The following EXOC6B variants were observed in gnomAD, a reference collection of about 807,000 sequenced individuals.
The protein encoded by EXOC6B is exocyst complex component 6B.
In EXOC6B, 54 loss-of-function variants were observed where a neutral mutation model predicts 113.5. That is an observed-to-expected ratio of 0.48 (90% CI 0.38 to 0.60). EXOC6B has a LOEUF of 0.60. EXOC6B is among the 20% of genes least tolerant of loss of function. EXOC6B has a pLI of 0.00. For missense variants in EXOC6B, 797 were observed against 977.5 expected (o/e 0.82, Z 2.46); for synonymous variants, 357 against 339.0 (o/e 1.05, Z -0.58).
chr2:72,423,870 TG>T (rs1695052727), intron 18 of EXOC6B, among the ~76,000 whole-genome samples: 1 of 152,242 alleles, frequency 6.6e-6, no homozygotes, highest in South Asian at 2.1e-4. Flanking sequence ...GTATTCAAAA[TG>T]TAATATTTTT....
chr2:72,418,032 T>G (rs982565979), intron 18 of EXOC6B, among the ~76,000 whole-genome samples: 3 of 152,188 alleles, frequency 2.0e-5, no homozygotes, highest in Non-Finnish European at 4.4e-5. Flanking sequence ...ATTACTATCA[T>G]CTTATTTCAT....
chr2:72,812,801 T>C (rs149179095), intron 1 of EXOC6B, among the ~76,000 whole-genome samples: 1 of 152,162 alleles, frequency 6.6e-6, no homozygotes, highest in East Asian at 1.9e-4. Flanking sequence ...AGATTAAAGA[T>C]AAAGAAGAAT....
At chr2:72,266,858 T>TA (rs1684132148) in intron 20 of EXOC6B, among the ~76,000 whole-genome samples, 1 of 152,222 alleles carries the variant, frequency 6.6e-6, no homozygotes, top group Non-Finnish European at 1.5e-5. Flanking sequence ...GTATGGCCAT[T>TA]TTCACGATAT....
intron 18 of EXOC6B, among the ~76,000 whole-genome samples, chr2:72,406,250 A>C (rs1693752376): frequency 6.6e-6 from 1 of 151,988 alleles, no homozygotes; most frequent in Admixed American, 6.5e-5. Context: ...ACACAATAAT[A>C]ATGGGAGACT....
intron 1 of EXOC6B, among the ~76,000 whole-genome samples, chr2:72,766,362 T>C (rs1046518971): frequency 3.9e-5 from 6 of 152,186 alleles, no homozygotes; most frequent in African/African-American, 1.4e-4. Flanking sequence ...TTTTAATGTC[T>C]ATTCAGTCCA....
intron 6 of EXOC6B, among the ~76,000 whole-genome samples, chr2:72,665,359 G>GT (rs1285453036): frequency 6.6e-6 from 1 of 152,116 alleles, no homozygotes; most frequent in Admixed American, 6.5e-5. Flanking sequence ...GAACCCCTGA[G>GT]TAATGCTATA....
intron 6 of EXOC6B, among the ~76,000 whole-genome samples, chr2:72,644,837 C>A (rs1673569288): frequency 6.6e-6 from 1 of 152,100 alleles, no homozygotes; most frequent in Admixed American, 6.5e-5. Context: ...CAAAAACATG[C>A]CAAATTGTAA....
chr2:72,800,917 A>G (rs184770983), intron 1 of EXOC6B, among the ~76,000 whole-genome samples: 12 of 152,216 alleles, frequency 7.9e-5, no homozygotes, highest in Non-Finnish European at 1.3e-4. Context: ...TAAAGGAACA[A>G]ATATTATGAT....
intron 19 of EXOC6B, among the ~76,000 whole-genome samples, chr2:72,336,476 T>G (rs1304501964): frequency 6.6e-6 from 1 of 151,840 alleles, no homozygotes. Context: ...TTATACAAAA[T>G]GAAATTTAAA....
intron 19 of EXOC6B, among the ~76,000 whole-genome samples, chr2:72,360,574 G>C (rs1384071511): frequency 6.6e-6 from 1 of 152,036 alleles, no homozygotes; most frequent in African/African-American, 2.4e-5. Flanking sequence ...AGGAATATGA[G>C]CCATGTGATC....
At chr2:72,245,357 G>T (rs1000564296) in intron 20 of EXOC6B, among the ~76,000 whole-genome samples, 2 of 152,258 alleles carry the variant, frequency 1.3e-5, no homozygotes, top group African/African-American at 4.8e-5. Context: ...ACTGTATATA[G>T]ACAAACAAGG....
Position 72,718,235 on chromosome 2 carries a change from G to A in EXOC6B, c.537C>T (p.Phe179=), listed in dbSNP as rs1345075767. The A allele has an allele frequency of 3.1e-6, 5 of 1,613,756 alleles. No homozygotes were observed. In the Admixed American group the frequency reaches 8.3e-5, roughly 27 times the overall value. The change falls in exon 6 of 22, where the codon TTC becomes TTT. Residue 179 remains phenylalanine, a synonymous_variant. Transcript: ENST00000272427. ...TYLPQVSHYR[F]CKVMVDNIPK... is the part of the protein sequence containing the mutation. ...GGATGTTGTCCACCATCACCTTGCA[G>A]AATCGATAGTGGCTTACTTGAGGCA...
chr2:72,312,323 A>C (rs1168680541), intron 20 of EXOC6B, among the ~76,000 whole-genome samples: 1 of 151,392 alleles, frequency 6.6e-6, no homozygotes, highest in Non-Finnish European at 1.5e-5. Flanking sequence ...TTTTTCCCCA[A>C]CTGAGTCAAT....
chr2:72,597,428 T>C (rs974160427), intron 6 of EXOC6B, among the ~76,000 whole-genome samples: 5 of 151,734 alleles, frequency 3.3e-5, no homozygotes, highest in Non-Finnish European at 7.4e-5. Context: ...CTGGTAAAAA[T>C]TTTTAAAGAA....
chr2:72,621,087 G>A (rs990401253), intron 6 of EXOC6B, among the ~76,000 whole-genome samples: 6 of 152,096 alleles, frequency 3.9e-5, no homozygotes, highest in African/African-American at 4.8e-5. Context: ...TGTGAAAAGC[G>A]GTTTGGGGTT....
intron 18 of EXOC6B, among the ~76,000 whole-genome samples, chr2:72,417,839 T>A (rs1412517469): frequency 6.6e-6 from 1 of 152,174 alleles, no homozygotes; most frequent in Non-Finnish European, 1.5e-5. Context: ...TTCCTTTTCC[T>A]TCACATTCGC....
At chr2:72,484,608 A>G (rs1340839233) in intron 16 of EXOC6B, among the ~76,000 whole-genome samples, 1 of 150,694 alleles carries the variant, frequency 6.6e-6, no homozygotes, top group Non-Finnish European at 1.5e-5. Flanking sequence ...CTCATCCCCA[A>G]CCCCACAACA....
chr2:72,226,389 T>C (rs887438868), intron 20 of EXOC6B, among the ~76,000 whole-genome samples: 12 of 152,210 alleles, frequency 7.9e-5, no homozygotes, highest in Non-Finnish European at 1.5e-4. Context: ...TCTTAAATAC[T>C]GTCTTTGCAA....
intron 19 of EXOC6B, among the ~76,000 whole-genome samples, chr2:72,360,652 T>A (rs953332272): frequency 6.6e-6 from 1 of 152,116 alleles, no homozygotes; most frequent in African/African-American, 2.4e-5. Flanking sequence ...AGAATGCCCA[T>A]CTCAGGAATC....
Sources: gnomAD v4.1 joint callset for allele counts (sites outside exome capture counted in the v4.1 genomes callset) on GRCh38, gnomAD v4.1.1 for gene constraint, MANE v1.5 for transcripts, NCBI Gene and HGNC (gene_info 2026-07-23, HGNC 2026-07-21) for gene names.